The following CEP152 variants were observed in gnomAD, a reference collection of about 807,000 sequenced individuals.
The protein encoded by CEP152 is centrosomal protein 152.
In CEP152, 132 loss-of-function variants were observed where a neutral mutation model predicts 188.9. That is an observed-to-expected ratio of 0.70 (90% CI 0.61 to 0.81). The LOEUF is 0.81. CEP152 is among the 30% of genes least tolerant of loss of function. The probability of loss-of-function intolerance (pLI) is 0.00; values close to 1 mark genes in which losing one functional copy is unlikely to be tolerated. For missense variants in CEP152, 1,914 were observed against 1,969.8 expected (o/e 0.97, Z 0.54); for synonymous variants, 649 against 666.6 (o/e 0.97, Z 0.41).
intron 2 of CEP152, among the ~76,000 whole-genome samples, chr15:48,804,394 C>G (rs1171251300): frequency 6.6e-6 from 1 of 152,244 alleles, no homozygotes; most frequent in Admixed American, 6.5e-5. Context: ...GGTCAACTGA[C>G]CCTATTCCTT....
Position 48,739,063 on chromosome 15 carries a change from T to C in CEP152, c.4319A>G (p.His1440Arg), listed in dbSNP as rs1892773137. The change falls in exon 27 of 27, where the codon CAT (histidine) becomes CGT (arginine). Residue 1440 changes from histidine to arginine, a missense_variant. By Grantham distance (29) the His-to-Arg change is conservative (BLOSUM62 0). Transcript: ENST00000380950. The stretch of plus-strand genomic sequence containing the variant: ...ACCATCCCCAAACTGGAATTCCAAA[T>C]GTGTCTCTTTGGATCCCACATGCTT... ...SIKHVGSKET[H>R]LEFQFGDGSC... 3 of 1,614,214 alleles carry C rather than the reference T, an allele frequency of 1.9e-6. No homozygotes were observed. Among genetic ancestry groups the C allele is most frequent in the Non-Finnish European group, 2.5e-6 (3 of 1,180,026 alleles).
chr15:48,786,948 A>T lies in CEP152; in HGVS notation c.1173+1853T>A, dbSNP rs78140810. ...CTGTGTTTAAGTCAACAGAGAATGG[A>T]GACCCCCAACCCAATAAGGAAAAGC... On this transcript the variant is annotated intron_variant, in intron 9 of 26. Transcript: ENST00000380950. Among the ~76,000 whole-genome samples, 45 of 152,224 alleles carry T rather than the reference A, an allele frequency of 3.0e-4. No homozygotes were observed. The East Asian group carries it at 8.3e-3, about 28-fold the overall frequency.
At chr15:48,800,947 G>A (rs1003048815) in intron 2 of CEP152, among the ~76,000 whole-genome samples, 1 of 152,104 alleles carries the variant, frequency 6.6e-6, no homozygotes, top group African/African-American at 2.4e-5. Context: ...TACATTCAGG[G>A]GCAAATGTAA....
Position 48,788,899 on chromosome 15 carries a change from G to A in CEP152, c.1075C>T (p.His359Tyr). The change falls in exon 9 of 27, where the codon CAT (histidine) becomes TAT (tyrosine). Residue 359 changes from histidine (H) to tyrosine (Y), a missense_variant. Transcript: ENST00000380950. ...SESLQRAREQHESIVMGLTKK... is the reference protein window; with the variant it reads ...SESLQRAREQYESIVMGLTKK... The stretch of plus-strand genomic sequence containing the variant: ...GTGAGGCCCATAACAATGCTCTCAT[G>A]CTGTTCTCTAGCTCGTTGAAGTGAT... 1 of 1,614,100 alleles carries A rather than the reference G, an allele frequency of 6.2e-7. No individual in the cohort carries two copies. Among genetic ancestry groups the A allele is most frequent in the Non-Finnish European group, 8.5e-7 (1 of 1,179,984 alleles).
intron 2 of CEP152, among the ~76,000 whole-genome samples, chr15:48,805,141 A>C (rs1052956723): frequency 2.0e-5 from 3 of 152,210 alleles, no homozygotes; most frequent in Admixed American, 2.0e-4. Context: ...TATCAATGAT[A>C]AATTATCACT....
At chr15:48,745,089 T>A in intron 22 of CEP152, 97 bp from the exon 23 acceptor site, 1 of 826,494 alleles carries the variant, frequency 1.2e-6, no homozygotes, top group South Asian at 2.2e-5. Flanking sequence ...GAAGAGACTG[T>A]GCAATTTCCA....
In CEP152 at chr15:48,738,457, T is replaced by G; in HGVS notation, c.4925A>C (p.Glu1642Ala). Reference sequence around the variant, plus strand: ...TCCTGGCTCCAAATACGTGGTTTCTTCTGACAGGTATGGAGTTTGATAACG... The same window carrying G: ...TCCTGGCTCCAAATACGTGGTTTCTGCTGACAGGTATGGAGTTTGATAACG... ...CQRYQTPYLS[E>A]ETTYLEPGKI... Residue 1642 changes from glutamate (E) to alanine (A), a missense_variant, in exon 27 of 27, where the codon GAA becomes GCA. Glu to Ala is a moderately radical substitution (Grantham distance 107). Transcript: ENST00000380950. The G allele has an allele frequency of 6.2e-7, 1 of 1,614,216 alleles. No individual in the cohort carries two copies. The highest frequency in any genetic ancestry group is 2.2e-5 in the East Asian group (1 of 44,888).
intron 22 of CEP152, among the ~76,000 whole-genome samples, chr15:48,747,064 GT>G (rs912841895): frequency 5.3e-5 from 8 of 152,160 alleles, no homozygotes; most frequent in Admixed American, 2.6e-4. Context: ...TAAACTAAGT[GT>G]TTTTGGTTTT....
downstream of CEP152, among the ~76,000 whole-genome samples, chr15:48,734,747 G>A (rs1212997807): frequency 6.6e-6 from 1 of 152,040 alleles, no homozygotes; most frequent in African/African-American, 2.4e-5. Context: ...AGACACAATG[G>A]ACTTTTAAAA....
chr15:48,765,874 G>A (rs188259131), intron 17 of CEP152, among the ~76,000 whole-genome samples: 108 of 151,850 alleles, frequency 7.1e-4, no homozygotes, highest in African/African-American at 1.1e-3. Context: ...GGATGGTCTC[G>A]ATCTCCTGAC....
At position 48,752,328 on chromosome 15, in the gene CEP152, G is replaced by A. The variant is rs755652174; in HGVS notation, c.3466+21C>T. Reference sequence around the variant, plus strand: ...GTGATTATGGATGCTACAAAGACTGGTGGGAACAAAATCCAATTACCAGCT... The same window carrying A: ...GTGATTATGGATGCTACAAAGACTGATGGGAACAAAATCCAATTACCAGCT... On this transcript the variant is annotated intron_variant, in intron 21 of 26. Transcript: ENST00000380950. 3.7e-6 allele frequency: 6 copies of A among 1,614,024 alleles called. No homozygotes were observed. The South Asian group carries it at 4.4e-5, about 12-fold the overall frequency.
chr15:48,770,357 T>C (rs1895444076), intron 13 of CEP152, among the ~76,000 whole-genome samples: 1 of 152,118 alleles, frequency 6.6e-6, no homozygotes. Context: ...ACAAAAAGAA[T>C]ACTCAAAGAT....
At chr15:48,805,729 G>A (rs555965268) in intron 1 of CEP152, 73 bp from the exon 2 acceptor site, 1 of 1,589,478 alleles carries the variant, frequency 6.3e-7, no homozygotes, top group African/African-American at 1.3e-5. Flanking sequence ...CATAAGAGAT[G>A]CCATACATAC....
chr15:48,795,169 G>A (rs773023315), intron 6 of CEP152, among the ~76,000 whole-genome samples: 1 of 152,006 alleles, frequency 6.6e-6, no homozygotes, highest in African/African-American at 2.4e-5. Flanking sequence ...GTCACTATAC[G>A]GGTTTATATT....
chr15:48,799,798 T>C (rs1897561314), intron 2 of CEP152, among the ~76,000 whole-genome samples: 1 of 152,156 alleles, frequency 6.6e-6, no homozygotes, highest in African/African-American at 2.4e-5. Flanking sequence ...AAGACACAAA[T>C]GCACTAGAGA....
chr15:48,760,223 T>C lies in CEP152; in HGVS notation c.2606A>G (p.Glu869Gly). 6.2e-7 allele frequency: 1 copy of C among 1,614,076 alleles called. No homozygotes were observed. The highest frequency in any genetic ancestry group is 8.5e-7 in the Non-Finnish European group (1 of 1,179,958). The change falls in exon 19 of 27, where the codon GAA becomes GGA. Residue 869 changes from glutamate to glycine, a missense_variant. Physicochemically the swap from Glu to Gly is moderately conservative, Grantham distance 98. Transcript: ENST00000380950. ...TTGATACTCTGCCAGCTCTGGTAGT[T>C]CTCCCAGCCATCGCTGATGAGCATT... The part of the protein sequence containing the change: ...VQNAHQRWLG[E>G]LPELAEYQAL...
chr15:48,775,610 GA>G (rs759143452), intron 12 of CEP152, among the ~76,000 whole-genome samples: 1 of 152,150 alleles, frequency 6.6e-6, no homozygotes, highest in Non-Finnish European at 1.5e-5. Context: ...AGACATGCTT[GA>G]GAAGAAATGG....
chr15:48,804,310 C>T (rs1309287240), intron 2 of CEP152, among the ~76,000 whole-genome samples: 1 of 152,218 alleles, frequency 6.6e-6, no homozygotes, highest in East Asian at 1.9e-4. Context: ...CCAACAATAC[C>T]TGTCTGAACC....
At chr15:48,761,093 C>T (rs1275168055) in intron 18 of CEP152, among the ~76,000 whole-genome samples, 2 of 152,090 alleles carry the variant, frequency 1.3e-5, no homozygotes, top group African/African-American at 4.8e-5. Context: ...TTCCTTTCTG[C>T]TGTATTATGC....
Sources: allele counts gnomAD v4.1 joint callset (sites outside exome capture counted in the v4.1 genomes callset), GRCh38; gene constraint gnomAD v4.1.1; transcripts MANE v1.5; gene names NCBI Gene and HGNC (gene_info 2026-07-23, HGNC 2026-07-21).